The following DNAJC8 variants were observed in gnomAD, a reference collection of about 807,000 sequenced individuals.
DNAJC8 encodes dnaJ homolog subfamily C member 8.
A neutral mutation model predicts 43.2 loss-of-function variants in DNAJC8; 24 were observed. That is an observed-to-expected ratio of 0.56 (90% CI 0.40 to 0.78). The LOEUF (loss-of-function observed/expected upper bound fraction) is 0.78. Ranked by LOEUF, DNAJC8 falls within the 30% of genes least tolerant of loss-of-function variation. The probability of loss-of-function intolerance (pLI) is 0.00; values close to 1 mark genes in which losing one functional copy is unlikely to be tolerated. For missense variants in DNAJC8, 207 were observed against 299.4 expected (o/e 0.69, Z 2.28); for synonymous variants, 83 against 98.0 (o/e 0.85, Z 0.90).
At chr1:28,221,546 C>G (rs570895891) in intron 2 of DNAJC8, among the ~76,000 whole-genome samples, 3 of 152,242 alleles carry the variant, frequency 2.0e-5, no homozygotes, top group Admixed American at 1.3e-4. Flanking sequence ...AAAATCCTAG[C>G]GTTTCACACT....
chr1:28,210,734 C>T (rs41311280), intron 3 of DNAJC8, 97 bp from the exon 4 acceptor site: 46,431 of 825,832 alleles, frequency 0.056, 1,568 homozygotes, highest in African/African-American at 0.077. Flanking sequence ...TAAGGTCCTA[C>T]GGCAAAAAGA....
intron 1 of DNAJC8, 53 bp from the exon 2 acceptor site, chr1:28,229,076 A>G: frequency 7.0e-7 from 1 of 1,437,530 alleles, no homozygotes; most frequent in Non-Finnish European, 9.7e-7. Flanking sequence ...AACAAACTGA[A>G]TTATCTTAAC....
intron 6 of DNAJC8, among the ~76,000 whole-genome samples, chr1:28,206,611 C>T (rs1646770390): frequency 6.6e-6 from 1 of 152,126 alleles, no homozygotes; most frequent in Non-Finnish European, 1.5e-5. Context: ...AATCACAATG[C>T]CCTCCCTACC....
At chr1:28,215,684 C>T (rs1443497150) in intron 2 of DNAJC8, among the ~76,000 whole-genome samples, 8 of 151,768 alleles carry the variant, frequency 5.3e-5, no homozygotes, top group African/African-American at 1.2e-4. Flanking sequence ...ATTACAGGCA[C>T]GTGCCACCAC....
At chr1:28,212,640 T>C (rs542333203) in intron 3 of DNAJC8, among the ~76,000 whole-genome samples, 1 of 152,162 alleles carries the variant, frequency 6.6e-6, no homozygotes, top group African/African-American at 2.4e-5. Flanking sequence ...AGAACTTTCA[T>C]AGGTAATTCA....
intron 2 of DNAJC8, among the ~76,000 whole-genome samples, chr1:28,228,044 C>A: frequency 6.6e-6 from 1 of 152,024 alleles, no homozygotes; most frequent in Non-Finnish European, 1.5e-5. Flanking sequence ...GAAGTTTTAA[C>A]AAGTAGTTTA....
chr1:28,216,523 G>T (rs1282419183), intron 2 of DNAJC8, among the ~76,000 whole-genome samples: 1 of 152,056 alleles, frequency 6.6e-6, no homozygotes, highest in Non-Finnish European at 1.5e-5. Context: ...CATGCCAAAT[G>T]TAATTCATAA....
chr1:28,220,985 ATTCAGAT>A (rs368248893), intron 2 of DNAJC8, among the ~76,000 whole-genome samples: 1 of 152,092 alleles, frequency 6.6e-6, no homozygotes, highest in Non-Finnish European at 1.5e-5. Flanking sequence ...TAACTGTTGC[ATTCAGAT>A]AAGTTCCTGA....
At chr1:28,230,378 C>T (rs1428477119) in intron 1 of DNAJC8, 3 of 152,128 alleles carry the variant, frequency 2.0e-5, no homozygotes, top group Non-Finnish European at 4.4e-5. Flanking sequence ...GTATCCTCAA[C>T]ACCTAAATAG....
At chr1:28,231,410 A>T (rs1483680484) in intron 1 of DNAJC8, among the ~76,000 whole-genome samples, 1 of 152,220 alleles carries the variant, frequency 6.6e-6, no homozygotes, top group Middle Eastern at 3.4e-3. Flanking sequence ...CTGCAAAATT[A>T]ATGTCTTGAA....
chr1:28,232,826 A>T (rs1049842731), intron 1 of DNAJC8, 95 bp downstream of exon 1: 4 of 1,367,582 alleles, frequency 2.9e-6, no homozygotes, highest in Non-Finnish European at 4.1e-6. Context: ...GGAATCGCCC[A>T]ACGGTCCAGG....
At chr1:28,218,771 G>A (rs956412774) in intron 2 of DNAJC8, among the ~76,000 whole-genome samples, 5 of 152,018 alleles carry the variant, frequency 3.3e-5, no homozygotes, top group Non-Finnish European at 7.4e-5. Context: ...CAGGCATGGT[G>A]GTGCATGAAA....
At chr1:28,221,158 T>C (rs931652659) in intron 2 of DNAJC8, among the ~76,000 whole-genome samples, 1 of 151,726 alleles carries the variant, frequency 6.6e-6, no homozygotes, top group African/African-American at 2.4e-5. Flanking sequence ...GCTAACATAG[T>C]GAAACCCCGT....
chr1:28,224,373 T>C (rs1646919371), intron 2 of DNAJC8, among the ~76,000 whole-genome samples: 1 of 152,102 alleles, frequency 6.6e-6, no homozygotes, highest in South Asian at 2.1e-4. Flanking sequence ...GTTCAAGCAA[T>C]TCTCCTGCCT....
At chr1:28,219,860 A>G (rs1646887149) in intron 2 of DNAJC8, among the ~76,000 whole-genome samples, 1 of 152,128 alleles carries the variant, frequency 6.6e-6, no homozygotes, top group East Asian at 1.9e-4. Flanking sequence ...GTATTTCAGT[A>G]GAGATGGGGT....
chr1:28,231,434 G>A (rs1048210449), intron 1 of DNAJC8, among the ~76,000 whole-genome samples: 14 of 151,786 alleles, frequency 9.2e-5, no homozygotes, highest in Admixed American at 3.9e-4. Flanking sequence ...ATTCAATCCC[G>A]GCCAGGCGTG....
intron 2 of DNAJC8, 149 bp from the exon 3 acceptor site, chr1:28,215,145 T>C: frequency 1.9e-6 from 1 of 533,322 alleles, no homozygotes; most frequent in Non-Finnish European, 3.2e-6. Flanking sequence ...TTCTAGAAAT[T>C]GCTAAAGAAA....
chr1:28,207,373 G>A (rs1211545772), intron 6 of DNAJC8, among the ~76,000 whole-genome samples: 2 of 151,990 alleles, frequency 1.3e-5, no homozygotes, highest in Non-Finnish European at 2.9e-5. Context: ...GTAAGACCCC[G>A]TCTCAAACAA....
At chr1:28,212,715 G>A (rs1646823915) in intron 3 of DNAJC8, among the ~76,000 whole-genome samples, 1 of 152,108 alleles carries the variant, frequency 6.6e-6, no homozygotes, top group Non-Finnish European at 1.5e-5. Context: ...TGGAACCCAG[G>A]GAACTATGTC....
Sources: gnomAD v4.1 joint callset for allele counts (sites outside exome capture counted in the v4.1 genomes callset) on GRCh38, gnomAD v4.1.1 for gene constraint, MANE v1.5 for transcripts, NCBI Gene and HGNC (gene_info 2026-07-23, HGNC 2026-07-21) for gene names.